Variants in RBM23 observed in about 807,000 individuals in gnomAD.
RBM23 encodes RNA binding motif protein 23.
In RBM23, 53 loss-of-function variants were observed where a neutral mutation model predicts 56.2. That is an observed-to-expected ratio of 0.94 (90% CI 0.76 to 1.19). RBM23 has a LOEUF of 1.19. Among genes scored for constraint, RBM23 ranks in the 50% most tolerant of loss-of-function variants. RBM23 has a pLI of 0.00. For missense variants in RBM23, 642 were observed against 590.3 expected (o/e 1.09, Z -0.91); for synonymous variants, 197 against 198.5 (o/e 0.99, Z 0.06).
rs1344967705 is a variant in RBM23 at position 22,896,863 on chromosome 14, G to A, written c.*4867C>T. On this transcript the variant is annotated 3_prime_UTR_variant, in exon 14 of 14. Coordinates refer to ENST00000359890, the MANE Select transcript of RBM23 (RefSeq NM_001077351.2). ...ATAAAGCGCAAAAGTTATGAGAGAG[G>A]GGAAAGGATGTCTGAAGCTAGAAGA... is the stretch of plus-strand genomic sequence containing the variant. 6.6e-6 allele frequency: 1 copy of A among 152,152 alleles called. No individual in the cohort carries two copies. Among genetic ancestry groups the A allele is most frequent in the African/African-American group, 2.4e-5 (1 of 41,426 alleles). The allele number at this position is 152,152 out of a possible 1,614,324, so 9.4% of individuals were successfully genotyped here.
In RBM23 at chr14:22,895,904, CTA is replaced by C. The variant is rs1269694852; in HGVS notation, c.*5824_*5825del. 2 of 152,304 alleles carry C rather than the reference CTA, an allele frequency of 1.3e-5. No homozygotes were observed. The highest frequency in any genetic ancestry group is 4.8e-5 in the African/African-American group (2 of 41,556). The allele number at this position is 152,304 out of a possible 1,614,324, so 9.4% of individuals were successfully genotyped here. A position where few individuals can be genotyped will look rare whatever the true frequency, so the allele number is the denominator to read the frequency against. ...TCGAAACCATCTGGTTAAAATCTAA[CTA>C]TGTGGACAGAGCCTCAAGCATAAAG... is the stretch of plus-strand genomic sequence containing the variant. On this transcript the variant is annotated 3_prime_UTR_variant, in exon 14 of 14. Coordinates refer to ENST00000359890, the MANE Select transcript of RBM23 (RefSeq NM_001077351.2).
Position 22,911,430 on chromosome 14 carries a change from A to C in RBM23, c.-10-27T>G, listed in dbSNP as rs746079941. The C allele has an allele frequency of 2.5e-6, 4 of 1,577,882 alleles. No individual in the cohort carries two copies. In the South Asian group the frequency reaches 4.5e-5, roughly 18 times the overall value. On this transcript the variant is annotated intron_variant, in intron 1 of 13. Transcript: ENST00000359890. ...TGGGGAGAGGATATTAATATGTAAG[A>C]ATCTGTTTTATATTTTTCCTCCCTT...
In RBM23 at chr14:22,894,973, G is replaced by A. The variant is rs1477671143; in HGVS notation, c.*6757C>T. ...GAGAATGGCATGAACCTGGGAGGCA[G>A]AGCTTGCAGTGACCCGAGATTGCGC... On this transcript the variant is annotated 3_prime_UTR_variant, in exon 14 of 14. Transcript: ENST00000359890. 2 of 151,982 alleles carry A rather than the reference G, an allele frequency of 1.3e-5. No homozygotes were observed. The highest frequency in any genetic ancestry group is 4.8e-5 in the African/African-American group (2 of 41,340). The allele number at this position is 151,982 out of a possible 1,614,324, so 9.4% of individuals were successfully genotyped here. A position where few individuals can be genotyped will look rare whatever the true frequency, so the allele number is the denominator to read the frequency against.
chr14:22,904,187 GAAGCTAAGCTGCA>G (rs777415783), intron 10 of RBM23, 61 bp downstream of exon 10: 62 of 1,611,460 alleles, frequency 3.8e-5, no homozygotes, highest in Non-Finnish European at 5.1e-5. Context: ...GGAGGAGGAT[GAAGCTAAGCTGCA>G]AAATCAGACA....
chr14:22,904,711 C>A (rs931479488), intron 9 of RBM23, among the ~76,000 whole-genome samples, 164 bp downstream of exon 9: 2 of 152,122 alleles, frequency 1.3e-5, no homozygotes, highest in Non-Finnish European at 2.9e-5. Context: ...CCACCAAGCA[C>A]ATGAACAGAG....
At chr14:22,910,450 CAAAAAAAAAAAAA>C (rs546748436) in intron 2 of RBM23, among the ~76,000 whole-genome samples, 21 of 71,156 alleles carry the variant, frequency 3.0e-4, no homozygotes, top group Non-Finnish European at 4.5e-4. Context: ...AACTTCATCT[CAAAAAAAAAAAAA>C]AAAAAAAAAA....
chr14:22,909,577 C>A lies in RBM23; in HGVS notation c.85G>T (p.Glu29Ter). The A allele has an allele frequency of 1.2e-6, 2 of 1,613,516 alleles. No homozygotes were observed. Among genetic ancestry groups the A allele is most frequent in the Non-Finnish European group, 1.7e-6 (2 of 1,179,960 alleles). Residue 29 changes from glutamate (E) to a stop codon, truncating the protein, a stop_gained, in exon 3 of 14, where the codon GAA becomes TAA. Transcript: ENST00000359890. LOFTEE classifies it high-confidence loss of function. ...KKEEDEQQRKEVKKDYPSNTT... is the reference protein window; with the variant it reads ...KKEEDEQQRK ...TTGCTAGGATAATCCTTTTTAACTT[C>A]TTTCCTTTGTTGCTCATCCTGAGGC...
intron 10 of RBM23, chr14:22,903,691 T>G (rs1224653978): frequency 2.0e-6 from 2 of 1,002,588 alleles, no homozygotes; most frequent in Non-Finnish European, 2.4e-6. Context: ...GTTCTCAGCC[T>G]GGAGTCACAT....
rs532892000 is a variant in RBM23, at chr14:22,910,151, C to CAAAAAAAAAAAAAAAAAAAAAAAAAAAAA, written c.67-557_67-556insTTTTTTTTTTTTTTTTTTTTTTTTTTTTT. On this transcript the variant is annotated intron_variant, in intron 2 of 13. Transcript: ENST00000359890. Reference sequence around the variant, plus strand: ...TGGGCAGCCTAGTGAGACTCTGTCTCAAAAAAAAAAAAAAAAAAAAAAAAA... The same window carrying CAAAAAAAAAAAAAAAAAAAAAAAAAAAAA: ...TGGGCAGCCTAGTGAGACTCTGTCTCAAAAAAAAAAAAAAAAAAAAAAAAAAAAAAAAAAAAAAAAAAAAAAAAAAAAAA... Among the ~76,000 whole-genome samples the CAAAAAAAAAAAAAAAAAAAAAAAAAAAAA allele has an allele frequency of 1.2e-4, 2 of 16,704 alleles. 1 individual carries two copies. Among genetic ancestry groups the CAAAAAAAAAAAAAAAAAAAAAAAAAAAAA allele is most frequent in the Non-Finnish European group, 2.2e-4 (2 of 8,958 alleles). 11.0% of individuals were successfully genotyped at this position (16,704 alleles called of 152,430 possible). A position where few individuals can be genotyped will look rare whatever the true frequency, so the allele number is the denominator to read the frequency against.
rs904082304 is a variant in RBM23, at chr14:22,900,251, G to A, written c.*1479C>T. ...TGGATTGGGATCGCTACTACAAAGA[G>A]GGTCAAAGGCAGGTACAAAGGCCAA... On this transcript the variant is annotated 3_prime_UTR_variant, in exon 14 of 14. Transcript: ENST00000359890. 1 of 152,200 alleles carries A rather than the reference G, an allele frequency of 6.6e-6. No individual in the cohort carries two copies. Among genetic ancestry groups the A allele is most frequent in the African/African-American group, 2.4e-5 (1 of 41,404 alleles). 9.4% of individuals were successfully genotyped at this position (152,200 alleles called of 1,614,324 possible).
rs2040270294 is a variant in RBM23, at chr14:22,897,702, C to T, written c.*4028G>A. ...ATGGGTACAGGGATAGGAAAAGTGA[C>T]ACTTCCTCACTGACTCCAAGGCCTT... On this transcript the variant is annotated 3_prime_UTR_variant, in exon 14 of 14. Transcript: ENST00000359890. 6.6e-6 allele frequency: 1 copy of T among 152,204 alleles called. No homozygotes were observed. The highest frequency in any genetic ancestry group is 1.5e-5 in the Non-Finnish European group (1 of 68,050). 9.4% of individuals were successfully genotyped at this position (152,204 alleles called of 1,614,324 possible). A position where few individuals can be genotyped will look rare whatever the true frequency, so the allele number is the denominator to read the frequency against.
Position 22,901,551 on chromosome 14 carries a change from G to T in RBM23, c.*179C>A. On this transcript the variant is annotated 3_prime_UTR_variant, in exon 14 of 14. Coordinates refer to ENST00000359890, the MANE Select transcript of RBM23 (RefSeq NM_001077351.2). ...CTTTGCTCAGCAGAGTCCATTTCCAGTGGGACCATGGGCAGGAGCTTTTCT... is the reference window on the plus strand; with the variant it reads ...CTTTGCTCAGCAGAGTCCATTTCCATTGGGACCATGGGCAGGAGCTTTTCT... 1.1e-6 allele frequency: 1 copy of T among 871,324 alleles called. No individual in the cohort carries two copies. Among genetic ancestry groups the T allele is most frequent in the Non-Finnish European group, 1.8e-6 (1 of 561,118 alleles). The allele number at this position is 871,324 out of a possible 1,614,324, so 54.0% of individuals were successfully genotyped here.
intron 1 of RBM23, among the ~76,000 whole-genome samples, chr14:22,916,278 A>G (rs980346832): frequency 3.3e-5 from 5 of 150,046 alleles, no homozygotes; most frequent in Middle Eastern, 3.4e-3. Flanking sequence ...TTTTTTTGAG[A>G]CAGGATTTCA....
chr14:22,904,756 C>T (rs1156926576), intron 9 of RBM23, 119 bp downstream of exon 9: 2 of 1,426,052 alleles, frequency 1.4e-6, no homozygotes, highest in Non-Finnish European at 9.6e-7. Flanking sequence ...GACTCATATG[C>T]CCACTATGAC....
intron 1 of RBM23, chr14:22,917,361 CTT>C (rs2043706424): frequency 6.6e-6 from 1 of 152,162 alleles, no homozygotes; most frequent in Non-Finnish European, 1.5e-5. Context: ...AAAACTTACA[CTT>C]AAGTTTACAA....
intron 10 of RBM23, chr14:22,903,954 T>G (rs1255771828): frequency 8.4e-6 from 11 of 1,313,834 alleles, no homozygotes; most frequent in Non-Finnish European, 9.8e-6. Context: ...CTAACCTCCC[T>G]CACACCCCCA....
rs1016338529 is a variant in RBM23 at position 22,901,369 on chromosome 14, G to A, written c.*361C>T. 8.5e-6 allele frequency: 2 copies of A among 234,736 alleles called. No homozygotes were observed. Among genetic ancestry groups the A allele is most frequent in the South Asian group, 6.0e-5 (1 of 16,740 alleles). 14.5% of individuals were successfully genotyped at this position (234,736 alleles called of 1,614,324 possible). On this transcript the variant is annotated 3_prime_UTR_variant, in exon 14 of 14. Transcript: ENST00000359890. ...TTAAAGGTACAGGAAAAGGAGAGAGGTCAGTTCCTTCAGTATGCCCTATGG... is the reference window on the plus strand; with the variant it reads ...TTAAAGGTACAGGAAAAGGAGAGAGATCAGTTCCTTCAGTATGCCCTATGG...
chr14:22,903,710 A>G lies in RBM23; in HGVS notation c.930+551T>C, dbSNP rs113487484. ...TCAGCCTGGAGTCACATGGGGCTGGAAGAACCAGTTATAGGAATTGGCAAC... is the reference window on the plus strand; with the variant it reads ...TCAGCCTGGAGTCACATGGGGCTGGGAGAACCAGTTATAGGAATTGGCAAC... On this transcript the variant is annotated intron_variant, in intron 10 of 13. Coordinates refer to ENST00000359890, the MANE Select transcript of RBM23 (RefSeq NM_001077351.2). 6,938 of 1,009,450 alleles carry G rather than the reference A, an allele frequency of 6.9e-3. 350 individuals carry two copies. In the African/African-American group the frequency reaches 0.11, roughly 16 times the overall value. The allele number at this position is 1,009,450 out of a possible 1,614,324, so 62.5% of individuals were successfully genotyped here.
Position 22,906,296 on chromosome 14 carries a change from G to A in RBM23, c.300C>T (p.His100=). 6.2e-7 allele frequency: 1 copy of A among 1,614,214 alleles called. No homozygotes were observed. Among genetic ancestry groups the A allele is most frequent in the South Asian group, 1.1e-5 (1 of 91,092 alleles). Residue 100 remains histidine, a synonymous_variant, in exon 5 of 14, where the codon CAC becomes CAT. Transcript: ENST00000359890. ...RSRSPGRQCR[H]RSRSWDRRHG... is the part of the protein sequence containing the mutation. ...GTCGACGATCCCAGCTACGGCTACG[G>A]TGACGACACTGCCGACCTGGACTTC...
Sources: gnomAD v4.1 joint callset for allele counts (sites outside exome capture counted in the v4.1 genomes callset) on GRCh38, gnomAD v4.1.1 for gene constraint, MANE v1.5 for transcripts, NCBI Gene and HGNC (gene_info 2026-07-23, HGNC 2026-07-21) for gene names.